The following PDE8B variants were observed in gnomAD, a reference collection of about 807,000 sequenced individuals.
PDE8B encodes high affinity cAMP-specific and IBMX-insensitive 3',5'-cyclic phosphodiesterase 8B.
PDE8B carries 26 observed loss-of-function variants against 101.3 expected under a neutral mutation model. That is an observed-to-expected ratio of 0.26 (90% CI 0.19 to 0.36). PDE8B has a LOEUF of 0.36. Among genes scored for constraint, PDE8B ranks in the 10% least tolerant of loss-of-function variants. The pLI, the probability that PDE8B is intolerant of heterozygous loss-of-function variation, is 1.00. For synonymous variants in PDE8B, 424 were observed against 429.3 expected (o/e 0.99, Z 0.15); for missense variants, 810 against 1,163.1 (o/e 0.70, Z 4.42).
chr5:77,233,859 A>G (rs553316774), intron 1 of PDE8B, among the ~76,000 whole-genome samples: 1 of 151,754 alleles, frequency 6.6e-6, no homozygotes, highest in Non-Finnish European at 1.5e-5. Flanking sequence ...CCTAAGATAA[A>G]TAATGGAAGC....
the PDE8B span, among the ~76,000 whole-genome samples, chr5:77,173,276 G>A: frequency 5.3e-5 from 8 of 152,180 alleles, no homozygotes; most frequent in Admixed American, 5.2e-4. Context: ...GCAAACAAAT[G>A]GAAAGTATGT....
At chr5:77,416,675 G>T (rs1232399585) in intron 17 of PDE8B, among the ~76,000 whole-genome samples, 6 of 152,326 alleles carry the variant, frequency 3.9e-5, no homozygotes, top group Middle Eastern at 3.4e-3. Context: ...CTCCCTTCTG[G>T]TGGAGACAGA....
At chr5:77,097,699 A>C in the PDE8B span, among the ~76,000 whole-genome samples, 5 of 18,316 alleles carry the variant, frequency 2.7e-4, no homozygotes, top group African/African-American at 6.8e-4. Context: ...ATATCTATAT[A>C]TATATATCTA....
chr5:77,113,672 TTAAAC>T, the PDE8B span: 1 of 152,176 alleles, frequency 6.6e-6, no homozygotes, highest in Non-Finnish European at 1.5e-5. Context: ...TGGAATCTAA[TTAAAC>T]TAAAGAGCTT....
In PDE8B at chr5:77,372,857, G is replaced by A. The variant is rs566459502; in HGVS notation, c.1167+19451G>A. ...AGCCTGACCAACATGGTGAAACACC[G>A]TCTCTGCTAAAAATACAAAAATTAG... On this transcript the variant is annotated intron_variant, in intron 10 of 21. Coordinates refer to ENST00000264917, the MANE Select transcript of PDE8B (RefSeq NM_003719.5). Among the ~76,000 whole-genome samples, 7 of 152,264 alleles carry A rather than the reference G, an allele frequency of 4.6e-5. No individual in the cohort carries two copies. In the East Asian group the frequency reaches 7.7e-4, roughly 17 times the overall value.
At chr5:77,334,673 A>T (rs1871467) in intron 5 of PDE8B, among the ~76,000 whole-genome samples, 30,396 of 152,024 alleles carry the variant, frequency 0.2, 3,502 homozygotes, top group Middle Eastern at 0.33. Context: ...TATTTTCTCC[A>T]TTTTTGCAGA....
chr5:77,401,072 A>G (rs138278509), intron 11 of PDE8B, among the ~76,000 whole-genome samples: 1 of 152,228 alleles, frequency 6.6e-6, no homozygotes, highest in African/African-American at 2.4e-5. Context: ...CTAAGCTTCA[A>G]ATTTTTTCAT....
chr5:77,175,064 T>C, the PDE8B span, among the ~76,000 whole-genome samples: 6 of 152,186 alleles, frequency 3.9e-5, no homozygotes, highest in Non-Finnish European at 5.9e-5. Flanking sequence ...CTTGTTTTTT[T>C]CCTTCTCCTT....
At chr5:77,102,051 T>G in the PDE8B span, among the ~76,000 whole-genome samples, 1 of 152,140 alleles carries the variant, frequency 6.6e-6, no homozygotes, top group East Asian at 1.9e-4. Context: ...AAGTTTAAAT[T>G]TTTAAAAAGC....
the PDE8B span, among the ~76,000 whole-genome samples, chr5:77,173,260 C>T: frequency 6.6e-6 from 1 of 152,176 alleles, no homozygotes; most frequent in Admixed American, 6.5e-5. Context: ...TTATCTTCAA[C>T]TCTTTGCAAA....
the PDE8B span, chr5:77,180,577 A>G: frequency 2.7e-6 from 2 of 752,574 alleles, no homozygotes; most frequent in South Asian, 5.9e-5. Context: ...AGCCGGCTTC[A>G]GGGCCCCCTT....
chr5:77,260,166 A>AG (rs1217297484), intron 1 of PDE8B, among the ~76,000 whole-genome samples: 8 of 147,478 alleles, frequency 5.4e-5, no homozygotes, highest in African/African-American at 1.8e-4. Flanking sequence ...ACAAAAAAAA[A>AG]AAAAAAAGAA....
intron 1 of PDE8B, among the ~76,000 whole-genome samples, chr5:77,259,062 A>ACC (rs1759841012): frequency 1.1e-5 from 1 of 92,084 alleles, no homozygotes; most frequent in African/African-American, 4.4e-5. Context: ...ACACACACAC[A>ACC]CACACACCCC....
At chr5:77,408,657 G>A (rs749550131) in intron 13 of PDE8B, among the ~76,000 whole-genome samples, 1 of 152,166 alleles carries the variant, frequency 6.6e-6, no homozygotes, top group African/African-American at 2.4e-5. Context: ...AGGGCCAGGG[G>A]AGGTGAATCT....
At chr5:77,099,841 C>T in the PDE8B span, among the ~76,000 whole-genome samples, 1 of 152,100 alleles carries the variant, frequency 6.6e-6, no homozygotes, top group Non-Finnish European at 1.5e-5. Flanking sequence ...AACTCCTGAC[C>T]TCTGGTGATC....
the PDE8B span, among the ~76,000 whole-genome samples, chr5:77,126,197 A>G: frequency 3.9e-5 from 6 of 152,108 alleles, no homozygotes; most frequent in South Asian, 1.2e-3. Flanking sequence ...GAGGCAGAAG[A>G]ATAGCTTGAA....
chr5:77,392,598 T>C (rs1790171810), intron 10 of PDE8B, among the ~76,000 whole-genome samples: 1 of 152,198 alleles, frequency 6.6e-6, no homozygotes, highest in Non-Finnish European at 1.5e-5. Context: ...CTTTGAGGCC[T>C]TCTCAGAACT....
At chr5:77,295,449 G>T (rs1768306680) in intron 1 of PDE8B, among the ~76,000 whole-genome samples, 1 of 152,180 alleles carries the variant, frequency 6.6e-6, no homozygotes, top group South Asian at 2.1e-4. Context: ...TCCAAAGACA[G>T]CTGTAAAAAG....
At chr5:77,249,740 G>C (rs1757682638) in intron 1 of PDE8B, among the ~76,000 whole-genome samples, 1 of 152,206 alleles carries the variant, frequency 6.6e-6, no homozygotes. Context: ...AAGGCCATTT[G>C]CTCTTGTTTA....
Sources: gnomAD v4.1 joint callset for allele counts (sites outside exome capture counted in the v4.1 genomes callset) on GRCh38, gnomAD v4.1.1 for gene constraint, MANE v1.5 for transcripts, NCBI Gene and HGNC (gene_info 2026-07-23, HGNC 2026-07-21) for gene names.